ITSN2: variants seen among roughly 807,000 people sequenced by gnomAD.
ITSN2 encodes the protein intersectin-2.
ITSN2 carries 156 observed loss-of-function variants against 243.7 expected under a neutral mutation model. The observed-to-expected ratio is 0.64, with a 90% confidence interval of 0.56 to 0.73. The LOEUF (loss-of-function observed/expected upper bound fraction) is 0.73, where lower values mean the gene tolerates loss of function less well. ITSN2 is among the 30% of genes least tolerant of loss of function. The pLI is 0.00. For synonymous variants in ITSN2, 703 were observed against 699.9 expected, an observed-to-expected ratio of 1.00 and a Z score of -0.07; for missense variants, 1,801 against 1,996.1, an observed-to-expected ratio of 0.90 and a Z score of 1.86.
chr2:24,209,232 T>C lies in ITSN2; in HGVS notation c.4474-11A>G. The C allele has an allele frequency of 6.2e-7, 1 of 1,613,822 alleles. No homozygotes were observed. The highest frequency in any genetic ancestry group is 8.5e-7 in the Non-Finnish European group (1 of 1,179,856). ...ATTCAGGAAAATGGGCTGAAAGAAT[T>C]AGGGCCAAAACACAGGCTGTGAGAT... On this transcript the variant is annotated splice_polypyrimidine_tract_variant and intron_variant, in intron 35 of 39. Coordinates refer to ENST00000355123, the MANE Select transcript of ITSN2 (RefSeq NM_006277.3).
rs1433502086 is a variant in ITSN2, at chr2:24,204,872, G to A, written c.4762+342C>T. 1.5e-5 allele frequency: 6 copies of A among 396,718 alleles called. No individual in the cohort carries two copies. Among genetic ancestry groups the A allele is most frequent in the Admixed American group, 2.8e-5 (1 of 35,582 alleles). The allele number at this position is 396,718 out of a possible 1,614,324, so 24.6% of individuals were successfully genotyped here. On this transcript the variant is annotated intron_variant, in intron 38 of 39. Transcript: ENST00000355123. The surrounding 1 kb of genome is among the most constrained non-coding windows in gnomAD (Gnocchi z 5.1). ...CAGTGGCTGGGCGCAGTGGCACTTT[G>A]TCAGTGACAAAGTGCTGTAATCCCA...
intron 1 of ITSN2, among the ~76,000 whole-genome samples, chr2:24,337,062 C>CTT (rs754030975): frequency 4.4e-5 from 6 of 136,888 alleles, no homozygotes; most frequent in African/African-American, 1.6e-4. Context: ...CTTGGCTTTT[C>CTT]TTTTTTTTTT....
At chr2:24,341,241 A>C (rs1382858274) in intron 1 of ITSN2, among the ~76,000 whole-genome samples, 1 of 152,196 alleles carries the variant, frequency 6.6e-6, no homozygotes, top group Non-Finnish European at 1.5e-5. Flanking sequence ...AATCTGATCC[A>C]CCTACAAAGA....
intron 1 of ITSN2, among the ~76,000 whole-genome samples, chr2:24,334,301 C>T (rs1362027932): frequency 5.3e-5 from 8 of 152,098 alleles, no homozygotes; most frequent in African/African-American, 1.7e-4. Context: ...TCACGTGATC[C>T]GCCCGCCTCG....
intron 3 of ITSN2, among the ~76,000 whole-genome samples, chr2:24,314,235 C>A (rs1399004088): frequency 1.3e-5 from 2 of 152,222 alleles, no homozygotes; most frequent in Non-Finnish European, 2.9e-5. Context: ...TCATAAGGTT[C>A]TTTGTCTCTG....
intron 1 of ITSN2, among the ~76,000 whole-genome samples, chr2:24,359,237 G>C (rs1688727509): frequency 6.6e-6 from 1 of 152,166 alleles, no homozygotes; most frequent in South Asian, 2.1e-4. Context: ...CCAGCACAGG[G>C]AGAGAGGCAA....
In ITSN2 at chr2:24,209,823, T is replaced by G. The variant is rs762079429; in HGVS notation, c.4468A>C (p.Lys1490Gln). Residue 1490 changes from lysine (K) to glutamine (Q), a missense_variant, in exon 35 of 40, where the codon AAA becomes CAA. Coordinates refer to ENST00000355123, the MANE Select transcript of ITSN2 (RefSeq NM_006277.3). Reference protein sequence around the residue: ...SKSNAQFKMYKTPIFLNEVLV... With the variant: ...SKSNAQFKMYQTPIFLNEVLV... ...CCCAGACGCGTGATACTCACCGTTT[T>G]ATACATTTTGAATTGAGCATTGGAC... is the stretch of plus-strand genomic sequence containing the variant. 3 of 1,613,644 alleles carry G rather than the reference T, an allele frequency of 1.9e-6. No individual in the cohort carries two copies. The South Asian group carries it at 3.3e-5, about 18-fold the overall frequency.
At chr2:24,344,341 G>A (rs555509819) in intron 1 of ITSN2, among the ~76,000 whole-genome samples, 1 of 152,240 alleles carries the variant, frequency 6.6e-6, no homozygotes, top group East Asian at 1.9e-4. Flanking sequence ...TGGGTATCAA[G>A]TTGCTTTCCA....
chr2:24,216,314 G>T (rs1265073748), intron 31 of ITSN2, 82 bp from the exon 32 acceptor site: 1 of 1,144,848 alleles, frequency 8.7e-7, no homozygotes, highest in East Asian at 2.7e-5. Context: ...CAGACCAATG[G>T]TAATGATAAC....
chr2:24,359,535 T>A (rs1354698277), intron 1 of ITSN2, among the ~76,000 whole-genome samples: 1 of 152,208 alleles, frequency 6.6e-6, no homozygotes, highest in Non-Finnish European at 1.5e-5. Flanking sequence ...AGGCGCATAA[T>A]TAATAAATCC....
intron 1 of ITSN2, among the ~76,000 whole-genome samples, chr2:24,353,582 T>C (rs1217501565): frequency 6.6e-6 from 1 of 152,194 alleles, no homozygotes; most frequent in Non-Finnish European, 1.5e-5. Flanking sequence ...AGCCAGACCC[T>C]GTCTCAAAGA....
In ITSN2 at chr2:24,293,706, G is replaced by A; in HGVS notation, c.1705C>T (p.Gln569Ter). 2 of 1,211,392 alleles carry A rather than the reference G, an allele frequency of 1.7e-6. No individual in the cohort carries two copies. The highest frequency in any genetic ancestry group is 2.3e-6 in the Non-Finnish European group (2 of 853,306). 75.0% of individuals were successfully genotyped at this position (1,211,392 alleles called of 1,614,324 possible). The change falls in exon 15 of 40, where the codon CAG (glutamine) becomes TAG (stop). Residue 569 changes from glutamine (Q) to a stop codon, truncating the protein, a stop_gained. Coordinates refer to ENST00000355123, the MANE Select transcript of ITSN2 (RefSeq NM_006277.3). LOFTEE classifies it high-confidence loss of function. ...GACTTACCAGGTGTGTTACTGAACT[G>A]CATGTTTTTAATTCTTTCATTTAAT... ...QLLNERIKNMQFSNTPDSGVS... is the reference protein window; with the variant it reads ...QLLNERIKNM
At chr2:24,354,009 T>C (rs1688238371) in intron 1 of ITSN2, among the ~76,000 whole-genome samples, 2 of 152,260 alleles carry the variant, frequency 1.3e-5, no homozygotes, top group South Asian at 2.1e-4. Flanking sequence ...AAACTGCTTA[T>C]GTTCTTACAA....
intron 2 of ITSN2, among the ~76,000 whole-genome samples, chr2:24,318,168 G>C (rs756867283): frequency 2.0e-5 from 3 of 152,032 alleles, no homozygotes; most frequent in Non-Finnish European, 2.9e-5. Flanking sequence ...AAAATTTAGA[G>C]ACAGGGTCTC....
At position 24,295,801 on chromosome 2, in the gene ITSN2, C is replaced by T. The variant is rs375173687; in HGVS notation, c.1498G>A (p.Gly500Ser). The change falls in exon 14 of 40, where the codon GGC becomes AGC. Residue 500 changes from glycine (G) to serine (S), a missense_variant. Gly to Ser is a moderately conservative substitution (Grantham distance 56). Coordinates refer to ENST00000355123, the MANE Select transcript of ITSN2 (RefSeq NM_006277.3). ...CTGCCTGAGATCTGCTGATGTTTGC[C>T]ATTCTATAGGAAGATCATATAAATA... is the stretch of plus-strand genomic sequence containing the variant. ...NLHLELEALN[G>S]KHQQISGRLQ... 2 of 1,532,420 alleles carry T rather than the reference C, an allele frequency of 1.3e-6. No homozygotes were observed. The highest frequency in any genetic ancestry group is 2.3e-5 in the Admixed American group (1 of 43,384). The allele number at this position is 1,532,420 out of a possible 1,614,324, so 94.9% of individuals were successfully genotyped here. A position where few individuals can be genotyped will look rare whatever the true frequency, so the allele number is the denominator to read the frequency against.
chr2:24,259,117 G>A (rs937785140), intron 22 of ITSN2, among the ~76,000 whole-genome samples: 2 of 152,144 alleles, frequency 1.3e-5, no homozygotes, highest in African/African-American at 4.8e-5. Context: ...CTTAAACTTA[G>A]CATGGCTGAA....
intron 17 of ITSN2, among the ~76,000 whole-genome samples, chr2:24,281,283 G>A (rs1032693427): frequency 2.6e-5 from 4 of 152,224 alleles, no homozygotes; most frequent in Non-Finnish European, 5.9e-5. Context: ...ACCCGCCTCA[G>A]CCTCCCAAAG....
chr2:24,316,416 G>T (rs1043869129), intron 2 of ITSN2, among the ~76,000 whole-genome samples: 47 of 152,210 alleles, frequency 3.1e-4, no homozygotes, highest in Middle Eastern at 3.4e-3. Flanking sequence ...AAGTAGCTGG[G>T]ACTACAGGCA....
chr2:24,228,219 C>T lies in ITSN2; in HGVS notation c.3578-7153G>A, dbSNP rs796680949. ...TAGACTGGCTGCACATAACACACAACACAGAGAAAAAAATAACTGTCCAGC... is the reference window on the plus strand; with the variant it reads ...TAGACTGGCTGCACATAACACACAATACAGAGAAAAAAATAACTGTCCAGC... On this transcript the variant is annotated intron_variant, in intron 29 of 39. Coordinates refer to ENST00000355123, the MANE Select transcript of ITSN2 (RefSeq NM_006277.3). 5.9e-5 allele frequency among the ~76,000 whole-genome samples: 9 copies of T among 152,220 alleles called. 1 individual carries two copies. The highest frequency in any genetic ancestry group is 2.2e-4 in the African/African-American group (9 of 41,520).
Sources: gnomAD v4.1 joint callset for allele counts (sites outside exome capture counted in the v4.1 genomes callset) on GRCh38, gnomAD v4.1.1 for gene constraint, Gnocchi (gnomAD v3.1) non-coding constraint, MANE v1.5 for transcripts, NCBI Gene and HGNC (gene_info 2026-07-23, HGNC 2026-07-21) for gene names.